Variants in NALCN observed in about 807,000 individuals in gnomAD.
NALCN encodes the protein sodium leak channel, non-selective.
NALCN carries 111 observed loss-of-function variants against 225.3 expected under a neutral mutation model. The ratio of observed to expected loss-of-function variants is 0.49; its 90% confidence interval spans 0.42 to 0.58. The LOEUF is 0.58. Among genes scored for constraint, NALCN ranks in the 20% least tolerant of loss-of-function variants. The pLI, the probability that NALCN is intolerant of heterozygous loss-of-function variation, is 0.00. For missense variants in NALCN, 1,378 were observed against 2,202.4 expected, an observed-to-expected ratio of 0.63 and a Z score of 7.49; for synonymous variants, 764 against 769.0, an observed-to-expected ratio of 0.99 and a Z score of 0.11.
intron 6 of NALCN, among the ~76,000 whole-genome samples, chr13:101,364,138 C>G (rs767430714): frequency 1.3e-5 from 2 of 151,998 alleles, no homozygotes; most frequent in Non-Finnish European, 2.9e-5. Flanking sequence ...AATGCAAATT[C>G]TGACAGCCAC....
chr13:101,344,062 G>C (rs538994970), intron 7 of NALCN, among the ~76,000 whole-genome samples: 3 of 152,224 alleles, frequency 2.0e-5, no homozygotes, highest in African/African-American at 7.2e-5. Context: ...CCAGCTGTTG[G>C]AACTCCTGAA....
intron 39 of NALCN, among the ~76,000 whole-genome samples, chr13:101,066,268 C>T (rs996682865): frequency 1.3e-5 from 2 of 150,128 alleles, no homozygotes; most frequent in African/African-American, 5.0e-5. Flanking sequence ...AGAGGTTGCA[C>T]CACTGCATTC....
At chr13:101,092,935 T>C (rs1478504792) in intron 28 of NALCN, among the ~76,000 whole-genome samples, 2 of 152,186 alleles carry the variant, frequency 1.3e-5, no homozygotes, top group African/African-American at 4.8e-5. Context: ...TGTAATTTTA[T>C]TTTCTGTTTC....
chr13:101,352,412 G>T (rs778023391), intron 6 of NALCN, among the ~76,000 whole-genome samples: 15 of 152,086 alleles, frequency 9.9e-5, no homozygotes, highest in Non-Finnish European at 1.5e-4. Context: ...TAACATTCTG[G>T]AAAGTGAAAA....
At chr13:101,318,670 A>T (rs2044641295) in intron 7 of NALCN, among the ~76,000 whole-genome samples, 2 of 152,216 alleles carry the variant, frequency 1.3e-5, no homozygotes, top group African/African-American at 4.8e-5. Flanking sequence ...GGCTAGAATT[A>T]TATGCAACTA....
At chr13:101,302,146 C>T (rs984465067) in intron 7 of NALCN, among the ~76,000 whole-genome samples, 4 of 152,092 alleles carry the variant, frequency 2.6e-5, no homozygotes. Context: ...AAAATTAGAA[C>T]CAAGCATTTG....
In NALCN at chr13:101,344,168, A is replaced by G. The variant is rs560990285; in HGVS notation, c.799+1098T>C. 5.3e-5 allele frequency among the ~76,000 whole-genome samples: 8 copies of G among 152,318 alleles called. No individual in the cohort carries two copies. The East Asian group carries it at 1.4e-3, about 26-fold the overall frequency. Reference sequence around the variant, plus strand: ...TGCCTAAAAGTTATTGGTATAATTCATGATGCCTCTGTACTTTTGAGACAG... The same window carrying G: ...TGCCTAAAAGTTATTGGTATAATTCGTGATGCCTCTGTACTTTTGAGACAG... On this transcript the variant is annotated intron_variant, in intron 7 of 43. Coordinates refer to ENST00000251127, the MANE Select transcript of NALCN (RefSeq NM_052867.4).
At chr13:101,286,826 C>T (rs564385737) in intron 9 of NALCN, among the ~76,000 whole-genome samples, 6 of 151,462 alleles carry the variant, frequency 4.0e-5, no homozygotes, top group Admixed American at 2.6e-4. Flanking sequence ...CCCAGAGACA[C>T]CACCACTAAC....
intron 3 of NALCN, among the ~76,000 whole-genome samples, chr13:101,381,488 C>CGTA (rs1414881961): frequency 6.6e-6 from 1 of 152,016 alleles, no homozygotes; most frequent in Non-Finnish European, 1.5e-5. Context: ...AATCTAAATA[C>CGTA]AGATAACATA....
chr13:101,373,229 A>G (rs1028226349), intron 6 of NALCN, among the ~76,000 whole-genome samples: 2 of 152,180 alleles, frequency 1.3e-5, no homozygotes, highest in African/African-American at 4.8e-5. Context: ...AGTTTTACTC[A>G]TGAATTCTAT....
chr13:101,176,352 G>A lies in NALCN; in HGVS notation c.1787C>T (p.Ala596Val). The change falls in exon 15 of 44, where the codon GCT becomes GTT. Residue 596 changes from alanine to valine, a missense_variant. By Grantham distance (64) the Ala-to-Val change is moderately conservative (BLOSUM62 0). Transcript: ENST00000251127. The part of the protein sequence containing the change: ...ATLILLSLFV[A>V]VILDNLELDE... ...AAGTTCTAAGTTGTCCAAAATAACA[G>A]CAACAAACAAACTCAGGAGGATCTA... 6.3e-7 allele frequency: 1 copy of A among 1,597,274 alleles called. No individual in the cohort carries two copies. Among genetic ancestry groups the A allele is most frequent in the Non-Finnish European group, 8.5e-7 (1 of 1,173,716 alleles).
At chr13:101,182,233 C>G (rs1379226892) in intron 14 of NALCN, among the ~76,000 whole-genome samples, 1 of 151,384 alleles carries the variant, frequency 6.6e-6, no homozygotes, top group Non-Finnish European at 1.5e-5. Context: ...CAGAGAAAAG[C>G]CACCCTCAGA....
In NALCN at chr13:101,143,273, G is replaced by C. The variant is rs990560269; in HGVS notation, c.1977-52C>G. 10 of 1,522,328 alleles carry C rather than the reference G, an allele frequency of 6.6e-6. No homozygotes were observed. In the African/African-American group the frequency reaches 1.1e-4, roughly 17 times the overall value. The allele number at this position is 1,522,328 out of a possible 1,614,324, so 94.3% of individuals were successfully genotyped here. ...AGGCATTATTAGTGGAAGGGAGCAA[G>C]TGACAGCATTTTGCAATGATGAGTT... On this transcript the variant is annotated intron_variant, in intron 16 of 43. Coordinates refer to ENST00000251127, the MANE Select transcript of NALCN (RefSeq NM_052867.4).
At chr13:101,367,737 TA>T (rs1292771371) in intron 6 of NALCN, among the ~76,000 whole-genome samples, 1 of 152,130 alleles carries the variant, frequency 6.6e-6, no homozygotes, top group African/African-American at 2.4e-5. Flanking sequence ...GATACTGATT[TA>T]AAAGGTGAGA....
chr13:101,281,191 C>A (rs1414224778), intron 10 of NALCN, among the ~76,000 whole-genome samples: 1 of 152,148 alleles, frequency 6.6e-6, no homozygotes, highest in African/African-American at 2.4e-5. Context: ...GCACTAAAAC[C>A]TTCCCTGACC....
intron 20 of NALCN, among the ~76,000 whole-genome samples, chr13:101,108,269 C>T (rs1412633210): frequency 1.3e-5 from 2 of 151,900 alleles, no homozygotes; most frequent in Non-Finnish European, 2.9e-5. Flanking sequence ...GTATTTGTTC[C>T]TCTAAAAAGT....
intron 13 of NALCN, among the ~76,000 whole-genome samples, chr13:101,210,253 C>T (rs1022793652): frequency 6.6e-6 from 1 of 152,122 alleles, no homozygotes; most frequent in African/African-American, 2.4e-5. Context: ...ATGCTTTATC[C>T]CATCATGCTT....
At chr13:101,391,325 G>T (rs1440446119) in intron 3 of NALCN, among the ~76,000 whole-genome samples, 1 of 152,128 alleles carries the variant, frequency 6.6e-6, no homozygotes, top group African/African-American at 2.4e-5. Context: ...AAAATAAATA[G>T]GGGATAATTT....
chr13:101,173,197 C>T (rs545858752), intron 15 of NALCN, among the ~76,000 whole-genome samples: 4 of 152,312 alleles, frequency 2.6e-5, no homozygotes, highest in East Asian at 1.9e-4. Flanking sequence ...CTGCATTCAC[C>T]GCTATTCTCA....
Sources: gnomAD v4.1 joint callset for allele counts (sites outside exome capture counted in the v4.1 genomes callset) on GRCh38, gnomAD v4.1.1 for gene constraint, MANE v1.5 for transcripts, NCBI Gene and HGNC (gene_info 2026-07-23, HGNC 2026-07-21) for gene names.